The following ARHGEF37 variants were observed in gnomAD, a reference collection of about 807,000 sequenced individuals.
ARHGEF37 encodes the protein Rho guanine nucleotide exchange factor (GEF) 37.
ARHGEF37 carries 55 observed loss-of-function variants against 71.1 expected under a neutral mutation model. The observed-to-expected ratio is 0.77, with a 90% confidence interval of 0.62 to 0.97. ARHGEF37 has a LOEUF of 0.97. ARHGEF37 is among the 50% of genes least tolerant of loss of function. The pLI is 0.00. For synonymous variants in ARHGEF37, 327 were observed against 350.6 expected, an observed-to-expected ratio of 0.93 and a Z score of 0.75; for missense variants, 765 against 836.8, an observed-to-expected ratio of 0.91 and a Z score of 1.06.
chr5:149,576,343 C>T (rs1201666108), intron 1 of ARHGEF37, among the ~76,000 whole-genome samples: 3 of 152,216 alleles, frequency 2.0e-5, no homozygotes, highest in Non-Finnish European at 4.4e-5. Flanking sequence ...TCTGAGGTTT[C>T]AGTCCCAGTT....
chr5:149,601,719 C>G (rs1332672070), intron 3 of ARHGEF37, among the ~76,000 whole-genome samples: 1 of 152,108 alleles, frequency 6.6e-6, no homozygotes, highest in African/African-American at 2.4e-5. Context: ...GAGGGAAGGC[C>G]TCTGGAGGAG....
intron 1 of ARHGEF37, among the ~76,000 whole-genome samples, chr5:149,554,130 T>G (rs1395959107): frequency 6.6e-6 from 1 of 152,172 alleles, no homozygotes; most frequent in Non-Finnish European, 1.5e-5. Flanking sequence ...ATTGTGCCAC[T>G]GCACTCCGGC....
intron 5 of ARHGEF37, 33 bp downstream of exon 5, chr5:149,616,799 G>A (rs772481662): frequency 6.5e-7 from 1 of 1,543,028 alleles, no homozygotes; most frequent in Non-Finnish European, 8.8e-7. Context: ...GGACACATTA[G>A]TAGGAATGCT....
chr5:149,618,843 G>T (rs1752452460), intron 6 of ARHGEF37, 95 bp from the exon 7 acceptor site: 1 of 1,006,846 alleles, frequency 9.9e-7, no homozygotes. Flanking sequence ...GGGCGAGTCT[G>T]TGGAAAGGTT....
intron 1 of ARHGEF37, among the ~76,000 whole-genome samples, chr5:149,560,067 A>G (rs866389362): frequency 6.6e-6 from 1 of 152,206 alleles, no homozygotes; most frequent in Non-Finnish European, 1.5e-5. Context: ...AATCAAAACT[A>G]CAGTGAGCCA....
At chr5:149,624,731 C>T (rs752987221) in intron 10 of ARHGEF37, among the ~76,000 whole-genome samples, 3 of 152,158 alleles carry the variant, frequency 2.0e-5, no homozygotes, top group Non-Finnish European at 4.4e-5. Context: ...CAAAGGTATC[C>T]TTTTCCTTCC....
intron 1 of ARHGEF37, among the ~76,000 whole-genome samples, chr5:149,554,682 C>T (rs959267986): frequency 2.7e-5 from 4 of 149,610 alleles, no homozygotes; most frequent in Non-Finnish European, 4.4e-5. Context: ...ATGAAGTCCT[C>T]AGGTGTTGGC....
In ARHGEF37 at chr5:149,620,371, GC is replaced by G. The variant is rs1482798742; in HGVS notation, c.914del (p.Pro305ArgfsTer29). On this transcript the variant is annotated frameshift_variant, in exon 8 of 13. Transcript: ENST00000333677. LOFTEE classifies it high-confidence loss of function. ...GGGTCCAGGCTTTCCTCTACTTCAG[GC>G]CGCACGAATACAATCTGGACATCCC... ...DNLQAFLYFR[P>X]HEYNLDIPEG... The G allele has an allele frequency of 1.2e-6, 2 of 1,611,380 alleles. No homozygotes were observed. The highest frequency in any genetic ancestry group is 1.7e-6 in the Non-Finnish European group (2 of 1,178,918).
intron 1 of ARHGEF37, among the ~76,000 whole-genome samples, chr5:149,576,336 G>A (rs890084484): frequency 6.6e-6 from 1 of 152,218 alleles, no homozygotes; most frequent in Non-Finnish European, 1.5e-5. Context: ...TCATACTTCT[G>A]AGGTTTCAGT....
chr5:149,618,850 GGTT>G, intron 6 of ARHGEF37, 85 bp from the exon 7 acceptor site: 1 of 1,073,788 alleles, frequency 9.3e-7, no homozygotes, highest in East Asian at 2.4e-5. Flanking sequence ...TCTGTGGAAA[GGTT>G]GTCCCAGTGA....
Position 149,616,564 on chromosome 5 carries a change from C to G in ARHGEF37, c.459-3C>G. On this transcript the variant is annotated splice_region_variant and splice_polypyrimidine_tract_variant and intron_variant, in intron 4 of 12. Transcript: ENST00000333677. Reference sequence around the variant, plus strand: ...CCTGCCTAATACCAGCCTTCTCCCTCAGGCCGCAAGCTGGATCTTCAGGCC... The same window carrying G: ...CCTGCCTAATACCAGCCTTCTCCCTGAGGCCGCAAGCTGGATCTTCAGGCC... 1 of 1,603,070 alleles carries G rather than the reference C, an allele frequency of 6.2e-7. No individual in the cohort carries two copies. The highest frequency in any genetic ancestry group is 2.2e-5 in the East Asian group (1 of 44,704).
intron 1 of ARHGEF37, among the ~76,000 whole-genome samples, chr5:149,589,848 A>G (rs1320999417): frequency 1.3e-5 from 2 of 151,314 alleles, no homozygotes; most frequent in Non-Finnish European, 1.5e-5. Flanking sequence ...TTTTTTTTTA[A>G]TAGAGATGGG....
At position 149,618,292 on chromosome 5, in the gene ARHGEF37, G is replaced by T. The variant is rs1239997637; in HGVS notation, c.775G>T (p.Gly259Trp). The change falls in exon 6 of 13, where the codon GGG becomes TGG. Residue 259 changes from glycine to tryptophan, a missense_variant. Gly to Trp is a radical substitution (Grantham distance 184). Around this residue, in one of 5 missense-constraint regions of ARHGEF37, gnomAD observed 167 missense variants for 173.3 expected, o/e 0.96. Transcript: ENST00000333677. ...GAGCCAGCTGCTGAAGCAGGAGGCG[G>T]GGCTGATCCCCAGGGTGAGCGTGCG... is the stretch of plus-strand genomic sequence containing the variant. ...RLSQLLKQEA[G>W]LIPRTEDKEF... 1 of 1,614,192 alleles carries T rather than the reference G, an allele frequency of 6.2e-7. No homozygotes were observed. The highest frequency in any genetic ancestry group is 8.5e-7 in the Non-Finnish European group (1 of 1,180,018).
At chr5:149,584,394 G>A (rs1349760813) in intron 1 of ARHGEF37, among the ~76,000 whole-genome samples, 2 of 152,150 alleles carry the variant, frequency 1.3e-5, no homozygotes, top group Non-Finnish European at 1.5e-5. Context: ...GTCTGTCTGC[G>A]TATGGGAGAG....
chr5:149,556,260 C>G (rs1191921594), intron 1 of ARHGEF37, among the ~76,000 whole-genome samples: 2 of 152,196 alleles, frequency 1.3e-5, no homozygotes, highest in Non-Finnish European at 2.9e-5. Flanking sequence ...GTGGCGCGAT[C>G]TCAGCTCACT....
rs944053316 is a variant in ARHGEF37, at chr5:149,552,103, T to A, written c.-32T>A. The A allele has an allele frequency of 4.6e-5, 7 of 151,584 alleles. No homozygotes were observed. The East Asian group carries it at 1.4e-3, about 30-fold the overall frequency. 9.4% of individuals were successfully genotyped at this position (151,584 alleles called of 1,614,324 possible). A position where few individuals can be genotyped will look rare whatever the true frequency, so the allele number is the denominator to read the frequency against. On this transcript the variant is annotated 5_prime_UTR_variant, in exon 1 of 3. Transcript: ENST00000505810. ...TGCATTATTGCCTCACTACCACATATGATCTTCAGAAGAAAACCTGGTATG... is the reference window on the plus strand; with the variant it reads ...TGCATTATTGCCTCACTACCACATAAGATCTTCAGAAGAAAACCTGGTATG...
intron 1 of ARHGEF37, among the ~76,000 whole-genome samples, chr5:149,586,060 T>G (rs1162468385): frequency 6.6e-6 from 1 of 152,196 alleles, no homozygotes; most frequent in African/African-American, 2.4e-5. Context: ...CACTAGGTAA[T>G]GCACTGATGA....
chr5:149,609,549 T>C lies in ARHGEF37; in HGVS notation c.312T>C (p.Gly104=). 6.2e-7 allele frequency: 1 copy of C among 1,614,040 alleles called. No individual in the cohort carries two copies. The highest frequency in any genetic ancestry group is 8.5e-7 in the Non-Finnish European group (1 of 1,179,956). The change falls in exon 4 of 13, where the codon GGT becomes GGC. Residue 104 remains glycine (G), a splice_region_variant and synonymous_variant. Transcript: ENST00000333677. ...SKEEEQVQLV[G]NIFLEFQEEL... ...CCCTTGTTGCGTCTTCACTCTCAGG[T>C]AACATATTTCTGGAATTCCAAGAGG...
chr5:149,560,031 C>T (rs1268692165), intron 1 of ARHGEF37, among the ~76,000 whole-genome samples: 1 of 152,130 alleles, frequency 6.6e-6, no homozygotes, highest in Non-Finnish European at 1.5e-5. Context: ...AATGAGTTTC[C>T]TGGAAAACAG....
Sources: allele counts gnomAD v4.1 joint callset (sites outside exome capture counted in the v4.1 genomes callset), GRCh38; gene constraint gnomAD v4.1.1; regional missense constraint gnomAD v4.1.1; transcripts MANE v1.5; gene names NCBI Gene and HGNC (gene_info 2026-07-23, HGNC 2026-07-21).